Variants in WWC2 observed in about 807,000 individuals in gnomAD.
The protein encoded by WWC2 is protein WWC2.
WWC2 carries 101 observed loss-of-function variants against 138.5 expected under a neutral mutation model. That is an observed-to-expected ratio of 0.73 (90% CI 0.62 to 0.86). The LOEUF (loss-of-function observed/expected upper bound fraction) is 0.86. Among genes scored for constraint, WWC2 ranks in the 40% least tolerant of loss-of-function variants. The probability of loss-of-function intolerance (pLI) is 0.00; values close to 1 mark genes in which losing one functional copy is unlikely to be tolerated. For missense variants in WWC2, 1,420 were observed against 1,419.4 expected (o/e 1.00, Z -0.01); for synonymous variants, 558 against 538.4 (o/e 1.04, Z -0.50).
chr4:183,155,076 A>G (rs1279430311), intron 1 of WWC2, among the ~76,000 whole-genome samples: 3 of 152,212 alleles, frequency 2.0e-5, no homozygotes, highest in African/African-American at 7.2e-5. Flanking sequence ...TGTGGGCACA[A>G]GTTAGATAAT....
chr4:183,292,178 A>G (rs1738475535), intron 21 of WWC2, among the ~76,000 whole-genome samples: 1 of 152,158 alleles, frequency 6.6e-6, no homozygotes, highest in South Asian at 2.1e-4. Context: ...CTTAGGTGAC[A>G]GAGTGAGACC....
At chr4:183,283,651 C>T (rs1738153333) in intron 18 of WWC2, among the ~76,000 whole-genome samples, 1 of 152,184 alleles carries the variant, frequency 6.6e-6, no homozygotes, top group Admixed American at 6.5e-5. Flanking sequence ...TGAGAAACTT[C>T]CATTTTTACT....
At chr4:183,242,211 A>G (rs965436959) in intron 5 of WWC2, among the ~76,000 whole-genome samples, 2 of 152,248 alleles carry the variant, frequency 1.3e-5, no homozygotes, top group Admixed American at 1.3e-4. Flanking sequence ...ATGATCAACA[A>G]TCAAACCCAG....
chr4:183,099,497 T>A lies in WWC2; in HGVS notation c.6T>A (p.Pro2=). 1 of 1,350,562 alleles carries A rather than the reference T, an allele frequency of 7.4e-7. No homozygotes were observed. Among genetic ancestry groups the A allele is most frequent in the Non-Finnish European group, 9.7e-7 (1 of 1,036,086 alleles). 83.7% of individuals were successfully genotyped at this position (1,350,562 alleles called of 1,614,324 possible). A position where few individuals can be genotyped will look rare whatever the true frequency, so the allele number is the denominator to read the frequency against. M[P]RRAGSGQLPL... ...CGCCGGCGAGGCCGCCGACCATGCC[T>A]AGGAGGGCCGGGAGCGGTCAGCTGC... The change falls in exon 1 of 23, where the codon CCT becomes CCA. Residue 2 remains proline (P), a synonymous_variant. Coordinates refer to ENST00000403733, the MANE Select transcript of WWC2 (RefSeq NM_024949.6).
chr4:183,283,055 C>T (rs761585418), intron 18 of WWC2, 149 bp downstream of exon 18: 25 of 717,410 alleles, frequency 3.5e-5, no homozygotes, highest in Non-Finnish European at 4.9e-5. Context: ...GGAATAGGCT[C>T]TAAGAAGCAT....
At chr4:183,311,578 G>GTTTTT (rs33921495) in intron 21 of WWC2, among the ~76,000 whole-genome samples, 1 of 115,310 alleles carries the variant, frequency 8.7e-6, no homozygotes, top group Non-Finnish European at 1.8e-5. Flanking sequence ...ATGTGTGCAG[G>GTTTTT]TTTTTTTTTT....
chr4:183,113,513 TGTGC>T (rs1247321563), intron 1 of WWC2, among the ~76,000 whole-genome samples: 5 of 112,180 alleles, frequency 4.5e-5, no homozygotes, highest in Admixed American at 9.3e-5. Context: ...TGTGTGTGTG[TGTGC>T]GCGCGCGTGC....
intron 1 of WWC2, among the ~76,000 whole-genome samples, chr4:183,116,047 T>G (rs1191261946): frequency 6.6e-6 from 1 of 152,214 alleles, no homozygotes; most frequent in East Asian, 1.9e-4. Flanking sequence ...AGTTTCAGTC[T>G]TCTGCATATG....
At chr4:183,185,769 G>C (rs1409279817) in intron 1 of WWC2, among the ~76,000 whole-genome samples, 1 of 152,068 alleles carries the variant, frequency 6.6e-6, no homozygotes, top group African/African-American at 2.4e-5. Flanking sequence ...TTGGAGAGGA[G>C]TGTTTATTTT....
intron 1 of WWC2, among the ~76,000 whole-genome samples, chr4:183,183,992 G>A (rs997515286): frequency 2.0e-5 from 3 of 152,146 alleles, no homozygotes; most frequent in African/African-American, 4.8e-5. Context: ...ACTTACTGAA[G>A]TGAAATTCAC....
chr4:183,149,213 C>T (rs1403437695), intron 1 of WWC2, among the ~76,000 whole-genome samples: 2 of 152,150 alleles, frequency 1.3e-5, no homozygotes, highest in East Asian at 1.9e-4. Context: ...TTTACAGTCC[C>T]CTTCTCATAA....
chr4:183,134,931 T>C (rs1167440519), intron 1 of WWC2, among the ~76,000 whole-genome samples: 1 of 151,630 alleles, frequency 6.6e-6, no homozygotes, highest in African/African-American at 2.4e-5. Context: ...ATATGATCTT[T>C]ATTTTTTTTT....
chr4:183,154,753 A>G (rs1288646855), intron 1 of WWC2, among the ~76,000 whole-genome samples: 1 of 152,110 alleles, frequency 6.6e-6, no homozygotes, highest in Non-Finnish European at 1.5e-5. Flanking sequence ...ACATTCCCCT[A>G]TCTGCAGTTG....
At chr4:183,293,853 A>G (rs1428314649) in intron 21 of WWC2, among the ~76,000 whole-genome samples, 2 of 152,212 alleles carry the variant, frequency 1.3e-5, no homozygotes, top group African/African-American at 2.4e-5. Context: ...ATCAAGAAAT[A>G]AATTTAACAA....
At chr4:183,285,761 A>G (rs1255057051) in intron 19 of WWC2, among the ~76,000 whole-genome samples, 7 of 151,366 alleles carry the variant, frequency 4.6e-5, no homozygotes, top group African/African-American at 9.7e-5. Context: ...CTCTGTCTCA[A>G]AAAAAAAATA....
At chr4:183,135,455 C>G (rs955214018) in intron 1 of WWC2, among the ~76,000 whole-genome samples, 5 of 151,622 alleles carry the variant, frequency 3.3e-5, no homozygotes. Context: ...TAATTAGTAT[C>G]TTTATCTTCT....
At chr4:183,282,641 T>C (rs1261635435) in intron 17 of WWC2, 67 bp from the exon 18 acceptor site, 3 of 1,454,018 alleles carry the variant, frequency 2.1e-6, no homozygotes, top group Admixed American at 3.9e-5. Flanking sequence ...CAACTTAGCA[T>C]GCCCAGGTTG....
intron 5 of WWC2, among the ~76,000 whole-genome samples, chr4:183,242,336 G>T (rs1040183267): frequency 1.1e-4 from 16 of 152,192 alleles, no homozygotes; most frequent in Non-Finnish European, 1.5e-5. Flanking sequence ...TGTAGGCTTT[G>T]TAACTTTTAT....
At position 183,273,496 on chromosome 4, in the gene WWC2, G is replaced by A. The variant is rs1737760783; in HGVS notation, c.2562+2255G>A. On this transcript the variant is annotated intron_variant, in intron 16 of 22. Coordinates refer to ENST00000403733, the MANE Select transcript of WWC2 (RefSeq NM_024949.6). Reference sequence around the variant, plus strand: ...ATTTTGTATTTTTAGTAGAGACGGGGTTTCTCCATGTTGGTCAGGCTGGTC... The same window carrying A: ...ATTTTGTATTTTTAGTAGAGACGGGATTTCTCCATGTTGGTCAGGCTGGTC... Among the ~76,000 whole-genome samples, 4 of 152,104 alleles carry A rather than the reference G, an allele frequency of 2.6e-5. No homozygotes were observed. In the South Asian group the frequency reaches 8.3e-4, roughly 32 times the overall value.
Sources: gnomAD v4.1 joint callset for allele counts (sites outside exome capture counted in the v4.1 genomes callset) on GRCh38, gnomAD v4.1.1 for gene constraint, MANE v1.5 for transcripts, NCBI Gene and HGNC (gene_info 2026-07-23, HGNC 2026-07-21) for gene names.